HDAC9: variants seen among roughly 807,000 people sequenced by gnomAD.
HDAC9 encodes the protein MEF-2 interacting transcription repressor (MITR) protein.
A neutral mutation model predicts 139.4 loss-of-function variants in HDAC9; 41 were observed. That is an observed-to-expected ratio of 0.29 (90% confidence interval 0.23 to 0.38). The LOEUF is 0.38. Among genes scored for constraint, HDAC9 ranks in the 10% least tolerant of loss-of-function variants. HDAC9 has a pLI of 1.00. For missense variants in HDAC9, 1,147 were observed against 1,297.0 expected, an observed-to-expected ratio of 0.88 and a Z score of 1.78; for synonymous variants, 517 against 476.2, an observed-to-expected ratio of 1.09 and a Z score of -1.12.
At position 18,153,725 on chromosome 7, in the gene HDAC9, C is replaced by T. The variant is rs924207715; in HGVS notation, c.-96-8504C>T. On this transcript the variant is annotated intron_variant, in intron 1 of 12. Coordinates refer to the HDAC9 transcript ENST00000417496. ...CTGCCTCTAGAACCTATTCTCCTGCCTCAGATGGAGGGATAAGGAGTAAAC... is the reference window on the plus strand; with the variant it reads ...CTGCCTCTAGAACCTATTCTCCTGCTTCAGATGGAGGGATAAGGAGTAAAC... Among the ~76,000 whole-genome samples the T allele has an allele frequency of 1.1e-4, 17 of 152,192 alleles. 1 individual carries two copies. Among genetic ancestry groups the T allele is most frequent in the African/African-American group, 3.9e-4 (16 of 41,456 alleles).
At chr7:18,786,461 CCTTCCTTT>C (rs2129174307) in intron 16 of HDAC9, among the ~76,000 whole-genome samples, 1 of 26,050 alleles carries the variant, frequency 3.8e-5, no homozygotes, top group African/African-American at 6.4e-5. Flanking sequence ...CCCTTTCCTT[CCTTCCTTT>C]CGTCCTTCCT....
At position 18,829,520 on chromosome 7, in the gene HDAC9, A is replaced by G. The variant is rs1449969889; in HGVS notation, c.2438A>G (p.Asn813Ser). 8.7e-6 allele frequency: 14 copies of G among 1,609,992 alleles called. No individual in the cohort carries two copies. The highest frequency in any genetic ancestry group is 1.2e-5 in the Non-Finnish European group (14 of 1,176,578). The change falls in exon 19 of 26, where the codon AAT becomes AGT. Residue 813 changes from asparagine to serine, a missense_variant. Physicochemically the swap from Asn to Ser is conservative, Grantham distance 46. This residue lies in a region of HDAC9 where 407 missense variants were observed against 521.5 expected (regional missense o/e 0.78). Transcript: ENST00000686413. ...GCCAAATACTTGAGAGACCAACTAA[A>G]TATAAGCAAGATATTGATTGTAGAT... is the stretch of plus-strand genomic sequence containing the variant. ...ITAKYLRDQL[N>S]ISKILIVDLD... is the part of the protein sequence containing the mutation.
At chr7:18,090,327 G>T (rs989747430) in intron 1 of HDAC9, among the ~76,000 whole-genome samples, 4 of 152,098 alleles carry the variant, frequency 2.6e-5, no homozygotes, top group Admixed American at 2.0e-4. Flanking sequence ...TTATACATGT[G>T]CAGATCAGAT....
chr7:18,270,874 A>G (rs1247210928), intron 2 of HDAC9, among the ~76,000 whole-genome samples: 3 of 152,158 alleles, frequency 2.0e-5, no homozygotes, highest in Admixed American at 6.6e-5. Flanking sequence ...TCATTTTTTA[A>G]TGAAAAGAAA....
At chr7:18,346,217 T>C (rs1344371465) in intron 1 of HDAC9, among the ~76,000 whole-genome samples, 1 of 152,162 alleles carries the variant, frequency 6.6e-6, no homozygotes, top group Non-Finnish European at 1.5e-5. Context: ...CCCAAAATGT[T>C]TCTATTTTAA....
At chr7:18,404,605 TA>T (rs1316401452) in intron 1 of HDAC9, among the ~76,000 whole-genome samples, 1 of 152,238 alleles carries the variant, frequency 6.6e-6, no homozygotes, top group Admixed American at 6.5e-5. Flanking sequence ...TATTAATAGT[TA>T]AGCTTAGAAA....
At chr7:18,275,370 C>G (rs11981944) in intron 2 of HDAC9, among the ~76,000 whole-genome samples, 1,726 of 152,230 alleles carry the variant, frequency 0.011, 26 homozygotes, top group African/African-American at 0.039. Flanking sequence ...GCTTTCACCC[C>G]AGAAACTCTT....
At chr7:18,907,613 G>A (rs1802377094) in intron 22 of HDAC9, among the ~76,000 whole-genome samples, 1 of 152,190 alleles carries the variant, frequency 6.6e-6, no homozygotes, top group Non-Finnish European at 1.5e-5. Flanking sequence ...CAGGGCTTTG[G>A]AGCTATAGCT....
intron 1 of HDAC9, among the ~76,000 whole-genome samples, chr7:18,317,685 T>G (rs1799753368): frequency 6.6e-6 from 1 of 152,182 alleles, no homozygotes; most frequent in Non-Finnish European, 1.5e-5. Flanking sequence ...CCTAAAGTAG[T>G]GTCAAGGCAG....
rs534238691 is a variant in HDAC9, at chr7:18,785,318, G to A, written c.2215-8027G>A. ...AAGGACACTGATTAAAGTTATTTTT[G>A]GTTGTATACCAAAAAAAAAAACCAT... On this transcript the variant is annotated intron_variant, in intron 16 of 25. Coordinates refer to ENST00000686413, the MANE Select transcript of HDAC9 (RefSeq NM_178425.4). Among the ~76,000 whole-genome samples, 3 of 151,888 alleles carry A rather than the reference G, an allele frequency of 2.0e-5. No individual in the cohort carries two copies. In the South Asian group the frequency reaches 6.2e-4, roughly 32 times the overall value.
chr7:18,704,183 A>T (rs1032583241), intron 12 of HDAC9, among the ~76,000 whole-genome samples: 1 of 152,214 alleles, frequency 6.6e-6, no homozygotes, highest in Non-Finnish European at 1.5e-5. Context: ...TGCAAAACAT[A>T]GCCTTAGCCA....
intron 17 of HDAC9, among the ~76,000 whole-genome samples, chr7:18,814,928 A>G (rs974618136): frequency 2.0e-5 from 3 of 152,320 alleles, no homozygotes; most frequent in East Asian, 1.9e-4. Context: ...TTGAAATTTT[A>G]TAAATCTGAT....
chr7:18,436,059 C>T (rs1050080017), intron 1 of HDAC9, among the ~76,000 whole-genome samples: 2 of 151,752 alleles, frequency 1.3e-5, no homozygotes, highest in African/African-American at 4.8e-5. Flanking sequence ...CTCAGGCAAT[C>T]CACCTGCCTT....
At chr7:18,359,475 C>T (rs910376971) in intron 1 of HDAC9, among the ~76,000 whole-genome samples, 1 of 152,230 alleles carries the variant, frequency 6.6e-6, no homozygotes, top group African/African-American at 2.4e-5. Flanking sequence ...CCTCAACTCT[C>T]ATTCACATTT....
intron 2 of HDAC9, among the ~76,000 whole-genome samples, chr7:18,566,434 A>G (rs1482010555): frequency 1.3e-5 from 2 of 152,192 alleles, no homozygotes; most frequent in African/African-American, 4.8e-5. Flanking sequence ...TGATTTACCC[A>G]AAGAAGTCAA....
At chr7:18,708,173 C>T (rs1238763394) in intron 12 of HDAC9, among the ~76,000 whole-genome samples, 1 of 150,548 alleles carries the variant, frequency 6.6e-6, no homozygotes, top group Admixed American at 6.6e-5. Context: ...GAGGGAGTTA[C>T]TGTTTGTTGG....
chr7:18,358,964 G>T (rs1783550388), intron 1 of HDAC9, among the ~76,000 whole-genome samples: 1 of 152,178 alleles, frequency 6.6e-6, no homozygotes, highest in Admixed American at 6.5e-5. Flanking sequence ...ATTTGCCCAA[G>T]GACAACAGCT....
intron 2 of HDAC9, among the ~76,000 whole-genome samples, chr7:18,228,307 T>TTA (rs1793208847): frequency 2.0e-5 from 3 of 151,744 alleles, no homozygotes; most frequent in Non-Finnish European, 1.5e-5. Context: ...TTTTTTTTTT[T>TTA]AATAAAGCAG....
chr7:18,701,152 TAA>T lies in HDAC9; in HGVS notation c.1732-26417_1732-26416del, dbSNP rs5882668. 1.6e-3 allele frequency among the ~76,000 whole-genome samples: 231 copies of T among 146,206 alleles called. 1 individual carries two copies. The highest frequency in any genetic ancestry group is 5.4e-3 in the African/African-American group (217 of 40,460). On this transcript the variant is annotated intron_variant, in intron 12 of 25. Coordinates refer to ENST00000686413, the MANE Select transcript of HDAC9 (RefSeq NM_178425.4). ...ACCTGAATACATAGAAACTTGTTCA[TAA>T]AAAAAAAAAACCTTGCCACTGTGAG...
Sources: gnomAD v4.1 joint callset for allele counts (sites outside exome capture counted in the v4.1 genomes callset) on GRCh38, gnomAD v4.1.1 for gene constraint, gnomAD v4.1.1 regional missense constraint, MANE v1.5 for transcripts, NCBI Gene and HGNC (gene_info 2026-07-23, HGNC 2026-07-21) for gene names.